Variants in SMCHD1 observed in about 807,000 individuals in gnomAD.
SMCHD1 encodes structural maintenance of chromosomes flexible hinge domain-containing protein 1.
Under a neutral mutation model 254.7 loss-of-function variants are expected in SMCHD1, and 78 were observed. The observed-to-expected ratio is 0.31, with a 90% CI of 0.26 to 0.37. The LOEUF (loss-of-function observed/expected upper bound fraction) is 0.37. SMCHD1 is among the 10% of genes least tolerant of loss of function. The pLI, the probability that SMCHD1 is intolerant of heterozygous loss-of-function variation, is 1.00. For synonymous variants in SMCHD1, 766 were observed against 794.9 expected, an observed-to-expected ratio of 0.96 and a Z score of 0.61; for missense variants, 1,840 against 2,408.1, an observed-to-expected ratio of 0.76 and a Z score of 4.94.
In SMCHD1 at chr18:2,738,515, A is replaced by G; in HGVS notation, c.3395A>G (p.His1132Arg). 9.3e-6 allele frequency: 15 copies of G among 1,612,706 alleles called. No individual in the cohort carries two copies. Among genetic ancestry groups the G allele is most frequent in the Non-Finnish European group, 1.3e-5 (15 of 1,179,354 alleles). Residue 1132 changes from histidine (H) to arginine (R), a missense_variant, in exon 26 of 48, where the codon CAT (histidine) becomes CGT (arginine). Physicochemically the swap from His to Arg is conservative, Grantham distance 29. Coordinates refer to ENST00000320876, the MANE Select transcript of SMCHD1 (RefSeq NM_015295.3). ...RYCQVSFQDDHVSLESAFTVR... is the reference protein window; with the variant it reads ...RYCQVSFQDDRVSLESAFTVR... The stretch of plus-strand genomic sequence containing the variant: ...TGCCAGGTTTCATTCCAAGATGATC[A>G]TGTGTCTTTGGAAAGTGCGTTTACA...
chr18:2,718,906 G>A lies in SMCHD1; in HGVS notation c.2458+472G>A, dbSNP rs1375202178. Among the ~76,000 whole-genome samples the A allele has an allele frequency of 6.6e-6, 1 of 151,932 alleles. No individual in the cohort carries two copies. The highest frequency in any genetic ancestry group is 1.5e-5 in the Non-Finnish European group (1 of 67,986). On this transcript the variant is annotated intron_variant, in intron 19 of 47. Coordinates refer to ENST00000320876, the MANE Select transcript of SMCHD1 (RefSeq NM_015295.3). The surrounding 1 kb of genome is among the most constrained non-coding windows in gnomAD (Gnocchi z 4.6). Reference sequence around the variant, plus strand: ...TCTACTCGATAATCATATTCCTTCTGAATTTTGAAGACATTGTTTTCTACT... The same window carrying A: ...TCTACTCGATAATCATATTCCTTCTAAATTTTGAAGACATTGTTTTCTACT...
At chr18:2,713,887 C>G (rs2074737022) in intron 17 of SMCHD1, among the ~76,000 whole-genome samples, 1 of 152,032 alleles carries the variant, frequency 6.6e-6, no homozygotes, top group Non-Finnish European at 1.5e-5. Flanking sequence ...GTTTTGTGGC[C>G]TAATGTATGG....
intron 45 of SMCHD1, among the ~76,000 whole-genome samples, chr18:2,786,908 A>G (rs746074743): frequency 2.0e-5 from 3 of 151,978 alleles, no homozygotes; most frequent in Non-Finnish European, 4.4e-5. Flanking sequence ...GTTCATTTTC[A>G]TTGCAGGATA....
chr18:2,736,317 C>T (rs1017859229), intron 25 of SMCHD1, among the ~76,000 whole-genome samples: 3 of 151,976 alleles, frequency 2.0e-5, no homozygotes, highest in Non-Finnish European at 4.4e-5. Context: ...AGAAGAAAAC[C>T]TAGGAAATAG....
At position 2,705,675 on chromosome 18, in the gene SMCHD1, T is replaced by A. The variant is rs756749163; in HGVS notation, c.1843-19T>A. 4.3e-5 allele frequency: 55 copies of A among 1,267,154 alleles called. No homozygotes were observed. Among genetic ancestry groups the A allele is most frequent in the African/African-American group, 2.2e-4 (15 of 67,362 alleles). The allele number at this position is 1,267,154 out of a possible 1,614,324, so 78.5% of individuals were successfully genotyped here. On this transcript the variant is annotated intron_variant, in intron 13 of 47. Transcript: ENST00000320876. ...TCTTAATACTGAAGCTTTTTTTTTT[T>A]TTAAAAACTAAATATTAGGTCAAGA...
Position 2,738,561 on chromosome 18 carries a change from A to G in SMCHD1, c.3425+16A>G, listed in dbSNP as rs773163854. On this transcript the variant is annotated intron_variant, in intron 26 of 47. Transcript: ENST00000320876. ...TTACAGTAAGGTTTGTGGACTCATTATATTTTGCAGCCTATGGCAACAAAA... is the reference window on the plus strand; with the variant it reads ...TTACAGTAAGGTTTGTGGACTCATTGTATTTTGCAGCCTATGGCAACAAAA... The G allele has an allele frequency of 6.9e-6, 11 of 1,593,134 alleles. No homozygotes were observed. The highest frequency in any genetic ancestry group is 1.1e-5 in the South Asian group (1 of 88,142).
chr18:2,769,975 AT>A lies in SMCHD1; in HGVS notation c.4847-6del, dbSNP rs763328487. ...TTTTTAAATTATTTAAATTATCTCA[AT>A]TTTTTTTCTTAGATGTTAAGAAGCA... On this transcript the variant is annotated splice_polypyrimidine_tract_variant and intron_variant, in intron 38 of 47. Coordinates refer to ENST00000320876, the MANE Select transcript of SMCHD1 (RefSeq NM_015295.3). 2,669 of 1,570,582 alleles carry A rather than the reference AT, an allele frequency of 1.7e-3. 31 individuals carry two copies. In the African/African-American group the frequency reaches 0.033, roughly 20 times the overall value.
Position 2,664,060 on chromosome 18 carries a change from A to C in SMCHD1, c.187-2097A>C, listed in dbSNP as rs1015824385. Among the ~76,000 whole-genome samples the C allele has an allele frequency of 3.3e-5, 5 of 152,288 alleles. No homozygotes were observed. In the South Asian group the frequency reaches 6.2e-4, roughly 19 times the overall value. Reference sequence around the variant, plus strand: ...TAGAAATTTTCTTATGAAAACCTTCAGACACAAAGAGAGAATCATGTTATG... The same window carrying C: ...TAGAAATTTTCTTATGAAAACCTTCCGACACAAAGAGAGAATCATGTTATG... On this transcript the variant is annotated intron_variant, in intron 1 of 47. Transcript: ENST00000320876.
intron 29 of SMCHD1, among the ~76,000 whole-genome samples, chr18:2,747,127 A>G (rs1011340244): frequency 4.6e-5 from 7 of 152,214 alleles, no homozygotes; most frequent in African/African-American, 1.7e-4. Context: ...AACACATTCT[A>G]GTGCTTACAT....
chr18:2,756,189 C>G (rs916188445), intron 34 of SMCHD1, among the ~76,000 whole-genome samples: 1 of 152,152 alleles, frequency 6.6e-6, no homozygotes, highest in Admixed American at 6.5e-5. Flanking sequence ...TCTGAATGGT[C>G]AGCCAACCTT....
chr18:2,765,724 ACTT>A (rs1221702450), intron 37 of SMCHD1, among the ~76,000 whole-genome samples: 1 of 152,144 alleles, frequency 6.6e-6, no homozygotes, highest in Non-Finnish European at 1.5e-5. Context: ...CTTCCATGCC[ACTT>A]CTTTTCATTT....
intron 45 of SMCHD1, among the ~76,000 whole-genome samples, chr18:2,792,709 G>C (rs1459724252): frequency 6.6e-6 from 1 of 152,074 alleles, no homozygotes; most frequent in Non-Finnish European, 1.5e-5. Flanking sequence ...TTTCATACTT[G>C]ATTTATTATA....
At chr18:2,699,803 GC>G (rs1194648822) in intron 10 of SMCHD1, among the ~76,000 whole-genome samples, 1 of 152,224 alleles carries the variant, frequency 6.6e-6, no homozygotes, top group African/African-American at 2.4e-5. Flanking sequence ...ATTGAAAGCA[GC>G]TTTTATATAA....
intron 47 of SMCHD1, among the ~76,000 whole-genome samples, chr18:2,802,221 A>AG (rs1249906229): frequency 6.6e-6 from 1 of 152,140 alleles, no homozygotes; most frequent in Non-Finnish European, 1.5e-5. Flanking sequence ...TTTAAGGAAA[A>AG]GGGGGTGAAA....
intron 45 of SMCHD1, among the ~76,000 whole-genome samples, chr18:2,788,557 T>C (rs1183011859): frequency 6.6e-6 from 1 of 152,218 alleles, no homozygotes; most frequent in East Asian, 1.9e-4. Flanking sequence ...ATTGTATCAC[T>C]TTTATAATCA....
intron 44 of SMCHD1, among the ~76,000 whole-genome samples, chr18:2,783,217 G>T (rs572896406): frequency 6.6e-6 from 1 of 152,014 alleles, no homozygotes; most frequent in South Asian, 2.1e-4. Context: ...CAATATTTCC[G>T]TATACATCGT....
In SMCHD1 at chr18:2,796,320, A is replaced by G. The variant is rs573029408; in HGVS notation, c.5879-87A>G. The G allele has an allele frequency of 2.9e-5, 27 of 930,554 alleles. No homozygotes were observed. In the African/African-American group the frequency reaches 3.9e-4, roughly 13 times the overall value. 57.6% of individuals were successfully genotyped at this position (930,554 alleles called of 1,614,324 possible). A position where few individuals can be genotyped will look rare whatever the true frequency, so the allele number is the denominator to read the frequency against. On this transcript the variant is annotated intron_variant, in intron 46 of 47. Coordinates refer to ENST00000320876, the MANE Select transcript of SMCHD1 (RefSeq NM_015295.3). ...AGTATACTTTCTTAATTCTTTTTCT[A>G]TAAATTATGACATATTCATGTTTGC... is the stretch of plus-strand genomic sequence containing the variant.
chr18:2,795,180 A>G (rs1380364682), intron 45 of SMCHD1, among the ~76,000 whole-genome samples: 3 of 152,056 alleles, frequency 2.0e-5, no homozygotes, highest in Non-Finnish European at 4.4e-5. Flanking sequence ...CAGCCTCCCA[A>G]GTGGCTGGGA....
rs2075334832 is a variant in SMCHD1 at position 2,740,768 on chromosome 18, T to A, written c.3580T>A (p.Leu1194Met). Residue 1194 changes from leucine to methionine, a missense_variant, in exon 28 of 48, where the codon TTG (leucine) becomes ATG (methionine). Transcript: ENST00000320876. The part of the protein sequence containing the change: ...QAFSPSSLSS[L>M]SIAGVGLDSS... Reference sequence around the variant, plus strand: ...ATTTTCACCAAGTTCTTTATCTTCTTTGTCAATTGCTGGGGTTGGACTTGA... The same window carrying A: ...ATTTTCACCAAGTTCTTTATCTTCTATGTCAATTGCTGGGGTTGGACTTGA... 6.2e-7 allele frequency: 1 copy of A among 1,612,026 alleles called. No individual in the cohort carries two copies. The highest frequency in any genetic ancestry group is 8.5e-7 in the Non-Finnish European group (1 of 1,178,880).
Sources: gnomAD v4.1 joint callset for allele counts (sites outside exome capture counted in the v4.1 genomes callset) on GRCh38, gnomAD v4.1.1 for gene constraint, Gnocchi (gnomAD v3.1) non-coding constraint, MANE v1.5 for transcripts, NCBI Gene and HGNC (gene_info 2026-07-23, HGNC 2026-07-21) for gene names.